Variants in GABRA5 observed in about 807,000 individuals in gnomAD.
GABRA5 encodes the protein gamma-aminobutyric acid type A receptor subunit alpha5.
GABRA5 carries 18 observed loss-of-function variants against 47.3 expected under a neutral mutation model. The ratio of observed to expected loss-of-function variants is 0.38; its 90% confidence interval spans 0.26 to 0.56. The LOEUF (loss-of-function observed/expected upper bound fraction) is 0.56. Among genes scored for constraint, GABRA5 ranks in the 20% least tolerant of loss-of-function variants. The pLI is 0.71. For synonymous variants in GABRA5, 237 were observed against 229.3 expected, an observed-to-expected ratio of 1.03 and a Z score of -0.30; for missense variants, 365 against 599.3, an observed-to-expected ratio of 0.61 and a Z score of 4.08.
At chr15:26,927,678 A>C (rs750056823) in intron 7 of GABRA5, among the ~76,000 whole-genome samples, 15 of 152,134 alleles carry the variant, frequency 9.9e-5, no homozygotes, top group Admixed American at 1.3e-4. Flanking sequence ...CATCTTTTAG[A>C]TTTACTAAAA....
intron 3 of GABRA5, among the ~76,000 whole-genome samples, chr15:26,870,353 G>A (rs1228080859): frequency 1.3e-5 from 2 of 152,172 alleles, no homozygotes; most frequent in African/African-American, 4.8e-5. Flanking sequence ...TGGGTGTGGG[G>A]GCCTTGCTCA....
rs1295316968 is a variant in GABRA5, at chr15:26,939,618, G to A, written c.725-307G>A. The A allele has an allele frequency of 4.1e-4, 245 of 600,800 alleles. 1 individual carries two copies. The East Asian group carries it at 6.7e-3, about 16-fold the overall frequency. 37.2% of individuals were successfully genotyped at this position (600,800 alleles called of 1,614,324 possible). On this transcript the variant is annotated intron_variant, in intron 8 of 10. Coordinates refer to ENST00000335625, the MANE Select transcript of GABRA5 (RefSeq NM_000810.4). ...CCTGAAATCCTAATTGCAGAAGCAG[G>A]CGAGGGAGTGGGGGGAGAGAGGCAC...
At chr15:26,894,939 C>A (rs1893143448) in intron 6 of GABRA5, among the ~76,000 whole-genome samples, 1 of 151,900 alleles carries the variant, frequency 6.6e-6, no homozygotes. Context: ...TAAAACACAC[C>A]CAAGCCCTGA....
rs994083056 is a variant in GABRA5 at position 26,885,910 on chromosome 15, G to A, written c.497+2353G>A. ...GCTCATGGAATGAGAATACACTCCT[G>A]GTCCTCGTCGGACTAGTGTTCTTGA... On this transcript the variant is annotated intron_variant, in intron 6 of 10. Transcript: ENST00000335625. 3.9e-5 allele frequency among the ~76,000 whole-genome samples: 6 copies of A among 152,112 alleles called. 1 individual carries two copies. Among genetic ancestry groups the A allele is most frequent in the Non-Finnish European group, 8.8e-5 (6 of 68,014 alleles).
At chr15:26,888,800 A>T (rs1214467770) in intron 6 of GABRA5, among the ~76,000 whole-genome samples, 1 of 152,220 alleles carries the variant, frequency 6.6e-6, no homozygotes, top group Non-Finnish European at 1.5e-5. Context: ...GTGAGAACAC[A>T]CAGTGAGGGT....
rs1431275963 is a variant in GABRA5 at position 26,883,702 on chromosome 15, C to T, written c.497+145C>T. 3 of 660,944 alleles carry T rather than the reference C, an allele frequency of 4.5e-6. No individual in the cohort carries two copies. Among genetic ancestry groups the T allele is most frequent in the African/African-American group, 3.7e-5 (2 of 53,356 alleles). The allele number at this position is 660,944 out of a possible 1,614,324, so 40.9% of individuals were successfully genotyped here. On this transcript the variant is annotated intron_variant, in intron 6 of 10. Coordinates refer to ENST00000335625, the MANE Select transcript of GABRA5 (RefSeq NM_000810.4). The surrounding 1 kb of genome is among the most constrained non-coding windows in gnomAD (Gnocchi z 4.8). The stretch of plus-strand genomic sequence containing the variant: ...CGTGTGTGCTGGGGGTTCCCCGTTG[C>T]CATCTGCCCACACCAGCGCTCTTGG...
chr15:26,884,938 C>A (rs970735382), intron 6 of GABRA5, among the ~76,000 whole-genome samples: 17 of 152,140 alleles, frequency 1.1e-4, no homozygotes, highest in Non-Finnish European at 1.9e-4. Flanking sequence ...TAATCACTAA[C>A]CCCCTCAGAC....
At chr15:26,896,382 A>T (rs1893194199) in intron 6 of GABRA5, among the ~76,000 whole-genome samples, 1 of 152,226 alleles carries the variant, frequency 6.6e-6, no homozygotes, top group South Asian at 2.1e-4. Flanking sequence ...GGTCTGTGTC[A>T]GTCTCTCTCC....
At chr15:26,932,600 C>T (rs1340129944) in intron 7 of GABRA5, among the ~76,000 whole-genome samples, 1 of 152,162 alleles carries the variant, frequency 6.6e-6, no homozygotes, top group African/African-American at 2.4e-5. Context: ...TTTGACCTGG[C>T]AATCCCATAA....
chr15:26,944,721 G>A (rs569904004), intron 10 of GABRA5, among the ~76,000 whole-genome samples: 6 of 152,310 alleles, frequency 3.9e-5, no homozygotes, highest in Admixed American at 2.0e-4. Context: ...CTGGGGAGAC[G>A]GGGCTTCCCA....
At chr15:26,890,223 T>C (rs766148196) in intron 6 of GABRA5, among the ~76,000 whole-genome samples, 1 of 152,186 alleles carries the variant, frequency 6.6e-6, no homozygotes, top group Non-Finnish European at 1.5e-5. Context: ...AATACAGATT[T>C]TCAAACTGTT....
Position 26,942,222 on chromosome 15 carries a change from A to G in GABRA5, c.878-993A>G, listed in dbSNP as rs13379760. 8.3e-3 allele frequency among the ~76,000 whole-genome samples: 1,257 copies of G among 152,324 alleles called. 16 individuals are homozygous for G. The highest frequency in any genetic ancestry group is 0.029 in the African/African-American group (1,200 of 41,580). On this transcript the variant is annotated intron_variant, in intron 9 of 10. Transcript: ENST00000335625. The stretch of plus-strand genomic sequence containing the variant: ...GGATACTGACACCCATCCAGAGTGC[A>G]GCTTAGACGAGAGTCTGACACTCAG...
intron 6 of GABRA5, among the ~76,000 whole-genome samples, chr15:26,897,112 A>T (rs973464629): frequency 3.3e-5 from 5 of 152,080 alleles, no homozygotes; most frequent in African/African-American, 9.7e-5. Context: ...CTTCACTGCC[A>T]TTATAGAGAA....
rs778210544 is a variant in GABRA5, at chr15:26,937,252, G to A, written c.648G>A (p.Ala216=). 1.1e-5 allele frequency: 17 copies of A among 1,613,842 alleles called. No individual in the cohort carries two copies. Among genetic ancestry groups the A allele is most frequent in the Admixed American group, 5.0e-5 (3 of 60,002 alleles). Residue 216 remains alanine (A), a synonymous_variant, in exon 8 of 11, where the codon GCG becomes GCA. Coordinates refer to ENST00000335625, the MANE Select transcript of GABRA5 (RefSeq NM_000810.4). ...GCTCCACCAAGTCGGTGGTGGTGGC[G>A]GAAGATGGCTCCAGACTGAACCAGT... ...TNGSTKSVVV[A]EDGSRLNQYH...
chr15:26,939,238 A>G (rs1894324511), intron 8 of GABRA5: 1 of 765,204 alleles, frequency 1.3e-6, no homozygotes, highest in Non-Finnish European at 2.4e-6. Context: ...GCTCCTTACC[A>G]GTTCACCGTG....
Position 26,945,081 on chromosome 15 carries a change from A to G in GABRA5, c.1089+1655A>G, listed in dbSNP as rs146992300. Among the ~76,000 whole-genome samples, 1,387 of 152,284 alleles carry G rather than the reference A, an allele frequency of 9.1e-3. 25 individuals are homozygous for G. The highest frequency in any genetic ancestry group is 0.031 in the African/African-American group (1,277 of 41,574). On this transcript the variant is annotated intron_variant, in intron 10 of 10. Coordinates refer to ENST00000335625, the MANE Select transcript of GABRA5 (RefSeq NM_000810.4). Reference sequence around the variant, plus strand: ...GGATGAAAGTGACCTGCACTGTCTAATCCGAGGAGAGAAAGGGTCTTCTAG... The same window carrying G: ...GGATGAAAGTGACCTGCACTGTCTAGTCCGAGGAGAGAAAGGGTCTTCTAG...
chr15:26,906,209 AT>A (rs1160403103), intron 6 of GABRA5, among the ~76,000 whole-genome samples: 3 of 151,996 alleles, frequency 2.0e-5, no homozygotes, highest in African/African-American at 7.2e-5. Context: ...TGAAATCTGT[AT>A]TGTTTGTTCT....
rs1284981892 is a variant in GABRA5 at position 26,948,497 on chromosome 15, G to A, written c.*264G>A. On this transcript the variant is annotated 3_prime_UTR_variant, in exon 11 of 11. Transcript: ENST00000335625. ...GACACTCAGATGCCCAGTATCATAC[G>A]TTGATAGTTTACAAACAAGATACGT... 1.9e-5 allele frequency: 8 copies of A among 430,484 alleles called. No individual in the cohort carries two copies. Among genetic ancestry groups the A allele is most frequent in the South Asian group, 4.9e-5 (1 of 20,508 alleles). 26.7% of individuals were successfully genotyped at this position (430,484 alleles called of 1,614,324 possible).
intron 3 of GABRA5, among the ~76,000 whole-genome samples, chr15:26,875,969 G>A (rs922635186): frequency 2.6e-5 from 4 of 152,156 alleles, no homozygotes; most frequent in Non-Finnish European, 5.9e-5. Flanking sequence ...GATGCAGTGG[G>A]GACAGTGAAG....
Sources: gnomAD v4.1 joint callset for allele counts (sites outside exome capture counted in the v4.1 genomes callset) on GRCh38, gnomAD v4.1.1 for gene constraint, Gnocchi (gnomAD v3.1) non-coding constraint, MANE v1.5 for transcripts, NCBI Gene and HGNC (gene_info 2026-07-23, HGNC 2026-07-21) for gene names.